GAP43: variants seen among roughly 807,000 people sequenced by gnomAD.
GAP43 encodes the protein neuromodulin.
A neutral mutation model predicts 18.6 loss-of-function variants in GAP43; 6 were observed. That is an observed-to-expected ratio of 0.32 (90% CI 0.18 to 0.64). GAP43 has a LOEUF of 0.64. Among genes scored for constraint, GAP43 ranks in the 30% least tolerant of loss-of-function variants. The pLI is 0.78. For missense variants in GAP43, 292 were observed against 295.5 expected, an observed-to-expected ratio of 0.99 and a Z score of 0.09; for synonymous variants, 115 against 111.4, an observed-to-expected ratio of 1.03 and a Z score of -0.20.
chr3:115,659,403 A>C (rs897991260), intron 1 of GAP43, among the ~76,000 whole-genome samples: 1 of 152,164 alleles, frequency 6.6e-6, no homozygotes, highest in African/African-American at 2.4e-5. Flanking sequence ...TAAACGAAGC[A>C]GGTGGAAAGA....
rs113994577 is a variant in GAP43, at chr3:115,689,465, A to G, written c.628+12855A>G. 4.8e-3 allele frequency among the ~76,000 whole-genome samples: 724 copies of G among 152,262 alleles called. 4 individuals are homozygous for G. The highest frequency in any genetic ancestry group is 0.017 in the African/African-American group (696 of 41,556). ...AGCTTGAAAGGGAAAGAACCATTTA[A>G]TTTTTTAAATTTGAAGCCCCACAAG... is the stretch of plus-strand genomic sequence containing the variant. On this transcript the variant is annotated intron_variant, in intron 2 of 2. Coordinates refer to ENST00000305124, the MANE Select transcript of GAP43 (RefSeq NM_002045.4).
intron 2 of GAP43, among the ~76,000 whole-genome samples, chr3:115,687,995 G>A (rs561088422): frequency 3.5e-5 from 5 of 144,604 alleles, no homozygotes; most frequent in East Asian, 4.0e-4. Flanking sequence ...GGTTACTAAC[G>A]AAATTTTTTT....
chr3:115,662,368 C>T (rs1255216221), intron 1 of GAP43, among the ~76,000 whole-genome samples: 2 of 152,102 alleles, frequency 1.3e-5, no homozygotes, highest in African/African-American at 4.8e-5. Flanking sequence ...GATGCATACT[C>T]ATTTACCAGA....
At chr3:115,659,194 TC>T in intron 1 of GAP43, among the ~76,000 whole-genome samples, 1 of 152,306 alleles carries the variant, frequency 6.6e-6, no homozygotes, top group East Asian at 1.9e-4. Flanking sequence ...CAATGCTCTG[TC>T]TTTAGAAGAC....
intron 1 of GAP43, among the ~76,000 whole-genome samples, chr3:115,651,608 C>T (rs1198515105): frequency 6.6e-6 from 1 of 152,140 alleles, no homozygotes; most frequent in Admixed American, 6.5e-5. Flanking sequence ...AACACAGAAG[C>T]AGAAGGTTGT....
intron 1 of GAP43, among the ~76,000 whole-genome samples, chr3:115,665,993 TGTGTGTGTGTGTG>T (rs1708728306): frequency 2.9e-5 from 4 of 139,362 alleles, no homozygotes; most frequent in African/African-American, 1.0e-4. Flanking sequence ...TAAATGAGTG[TGTGTGTGTGTGTG>T]TGTGTGTGTG....
chr3:115,626,478 G>C (rs116649267), intron 1 of GAP43, among the ~76,000 whole-genome samples: 273 of 152,280 alleles, frequency 1.8e-3, no homozygotes, highest in African/African-American at 6.1e-3. Context: ...AAGAGAATGA[G>C]AGTGGGGTAG....
chr3:115,637,375 A>C (rs1708342866), intron 1 of GAP43, among the ~76,000 whole-genome samples: 1 of 152,046 alleles, frequency 6.6e-6, no homozygotes, highest in Admixed American at 6.6e-5. Context: ...ATTTCTCAGA[A>C]AGACAGGTGG....
intron 1 of GAP43, among the ~76,000 whole-genome samples, chr3:115,646,162 G>A (rs1439655984): frequency 6.6e-6 from 1 of 152,086 alleles, no homozygotes; most frequent in Non-Finnish European, 1.5e-5. Context: ...AGTGCCAAGG[G>A]TAAGTCAGCC....
chr3:115,710,031 GT>G (rs920943184), intron 2 of GAP43, among the ~76,000 whole-genome samples: 1 of 152,100 alleles, frequency 6.6e-6, no homozygotes, highest in African/African-American at 2.4e-5. Context: ...CCAACAGATA[GT>G]TTCTCTCAAA....
intron 1 of GAP43, among the ~76,000 whole-genome samples, chr3:115,629,977 CA>C (rs1424424130): frequency 1.3e-5 from 2 of 152,092 alleles, no homozygotes; most frequent in African/African-American, 4.8e-5. Flanking sequence ...AAAATGAACC[CA>C]TTTATAGACT....
intron 1 of GAP43, among the ~76,000 whole-genome samples, chr3:115,674,904 T>C (rs1708860692): frequency 6.6e-6 from 1 of 152,200 alleles, no homozygotes; most frequent in Non-Finnish European, 1.5e-5. Flanking sequence ...ATTTATTAAT[T>C]TCCTTATCAG....
intron 1 of GAP43, chr3:115,663,907 G>C: frequency 1.3e-6 from 2 of 1,551,902 alleles, no homozygotes; most frequent in African/African-American, 2.7e-5. Context: ...TGACTTTCTG[G>C]ATTTCAAGGG....
rs181639179 is a variant in GAP43 at position 115,679,099 on chromosome 3, G to C, written c.628+2489G>C. Among the ~76,000 whole-genome samples the C allele has an allele frequency of 2.8e-4, 43 of 152,040 alleles. 1 individual carries two copies. In the East Asian group the frequency reaches 8.3e-3, roughly 29 times the overall value. ...AAGTAGCAGCATCTTCCACTGGGCTGTACTGTTCGGAAATGGGTGGCTACC... is the reference window on the plus strand; with the variant it reads ...AAGTAGCAGCATCTTCCACTGGGCTCTACTGTTCGGAAATGGGTGGCTACC... On this transcript the variant is annotated intron_variant, in intron 2 of 2. Coordinates refer to ENST00000305124, the MANE Select transcript of GAP43 (RefSeq NM_002045.4).
chr3:115,694,885 A>G (rs1408947233), intron 2 of GAP43, among the ~76,000 whole-genome samples: 1 of 152,248 alleles, frequency 6.6e-6, no homozygotes, highest in Non-Finnish European at 1.5e-5. Flanking sequence ...AAGATCTGGG[A>G]TATAATAAAA....
chr3:115,696,579 C>CT lies in GAP43; in HGVS notation c.628+19969_628+19970insT, dbSNP rs1709193079. ...CTGATTTCCTTGCTGCCCCCCACCG[C>CT]CCCCCCCCCCCACAAACAGGTATGC... On this transcript the variant is annotated intron_variant, in intron 2 of 2. Transcript: ENST00000305124. 2.7e-5 allele frequency among the ~76,000 whole-genome samples: 2 copies of CT among 73,444 alleles called. 1 individual carries two copies. The highest frequency in any genetic ancestry group is 9.9e-4 in the East Asian group (2 of 2,020). The allele number at this position is 73,444 out of a possible 152,430, so 48.2% of individuals were successfully genotyped here. A position where few individuals can be genotyped will look rare whatever the true frequency, so the allele number is the denominator to read the frequency against.
chr3:115,661,490 G>GTTTT (rs1708658334), intron 1 of GAP43, among the ~76,000 whole-genome samples: 1 of 152,034 alleles, frequency 6.6e-6, no homozygotes, highest in Non-Finnish European at 1.5e-5. Flanking sequence ...TTGTTTGTTT[G>GTTTT]TTTGTTTTTG....
intron 1 of GAP43, among the ~76,000 whole-genome samples, chr3:115,653,822 A>G (rs1011282723): frequency 5.3e-5 from 8 of 152,240 alleles, no homozygotes; most frequent in Non-Finnish European, 1.2e-4. Context: ...TATATTAAAA[A>G]TAACACTTTG....
chr3:115,697,472 G>A (rs1291639810), intron 2 of GAP43, among the ~76,000 whole-genome samples: 1 of 152,132 alleles, frequency 6.6e-6, no homozygotes, highest in African/African-American at 2.4e-5. Context: ...TCCTCCTAAT[G>A]ACCGGAAGAT....
Sources: gnomAD v4.1 joint callset for allele counts (sites outside exome capture counted in the v4.1 genomes callset) on GRCh38, gnomAD v4.1.1 for gene constraint, MANE v1.5 for transcripts, NCBI Gene and HGNC (gene_info 2026-07-23, HGNC 2026-07-21) for gene names.